Variants in FBXL2 observed in about 807,000 individuals in gnomAD.
FBXL2 encodes F-box and leucine rich repeat protein 2, also known as F-box/LRR-repeat protein 2.
FBXL2 carries 38 observed loss-of-function variants against 69.2 expected under a neutral mutation model. That is an observed-to-expected ratio of 0.55 (90% CI 0.42 to 0.72). The LOEUF (loss-of-function observed/expected upper bound fraction) is 0.72. Among genes scored for constraint, FBXL2 ranks in the 30% least tolerant of loss-of-function variants. The probability of loss-of-function intolerance (pLI) is 0.00; values close to 1 mark genes in which losing one functional copy is unlikely to be tolerated. For synonymous variants in FBXL2, 192 were observed against 201.3 expected, an observed-to-expected ratio of 0.95 and a Z score of 0.39; for missense variants, 354 against 520.3, an observed-to-expected ratio of 0.68 and a Z score of 3.11.
At chr3:33,322,133 A>G (rs113442318) in intron 2 of FBXL2, among the ~76,000 whole-genome samples, 3,700 of 124,164 alleles carry the variant, frequency 0.03, 69 homozygotes, top group Middle Eastern at 0.089. Context: ...ACTGGAGTGC[A>G]GTGGCGCCAT....
At chr3:33,352,853 C>T (rs541817401) in intron 2 of FBXL2, among the ~76,000 whole-genome samples, 4 of 152,076 alleles carry the variant, frequency 2.6e-5, no homozygotes, top group Non-Finnish European at 5.9e-5. Flanking sequence ...TGAGATCACA[C>T]CACTGCACTC....
chr3:33,341,084 G>A (rs2039983879), intron 2 of FBXL2, among the ~76,000 whole-genome samples: 1 of 152,088 alleles, frequency 6.6e-6, no homozygotes, highest in Non-Finnish European at 1.5e-5. Flanking sequence ...TCTAGTCACT[G>A]AGCTTTCAAT....
intron 2 of FBXL2, among the ~76,000 whole-genome samples, chr3:33,356,540 G>A (rs577607244): frequency 6.6e-6 from 1 of 152,144 alleles, no homozygotes; most frequent in Admixed American, 6.5e-5. Flanking sequence ...AGTAGAGATG[G>A]GGTTTCACTG....
chr3:33,345,432 AG>A (rs2040362238), intron 2 of FBXL2, among the ~76,000 whole-genome samples: 1 of 152,234 alleles, frequency 6.6e-6, no homozygotes, highest in African/African-American at 2.4e-5. Context: ...TTATGAGACT[AG>A]GATAATTCTG....
intron 1 of FBXL2, among the ~76,000 whole-genome samples, chr3:33,281,372 A>C (rs1372447905): frequency 2.0e-5 from 3 of 152,076 alleles, no homozygotes; most frequent in Non-Finnish European, 4.4e-5. Context: ...AAGGACATGA[A>C]CTCATCCTTT....
At chr3:33,295,918 G>C (rs2035702511) in intron 1 of FBXL2, among the ~76,000 whole-genome samples, 1 of 152,246 alleles carries the variant, frequency 6.6e-6, no homozygotes, top group South Asian at 2.1e-4. Flanking sequence ...GTAAAATTGG[G>C]TTGTCTTTTA....
At chr3:33,401,873 A>C (rs542462093) in intron 12 of FBXL2, among the ~76,000 whole-genome samples, 9 of 152,176 alleles carry the variant, frequency 5.9e-5, no homozygotes, top group South Asian at 2.1e-4. Context: ...AAACTATTCT[A>C]AGCCCTCAGA....
intron 13 of FBXL2, among the ~76,000 whole-genome samples, chr3:33,381,205 C>T (rs748520875): frequency 2.0e-5 from 3 of 152,152 alleles, no homozygotes; most frequent in South Asian, 2.1e-4. Flanking sequence ...TCTCCTCAGT[C>T]TCATATGTTA....
intron 2 of FBXL2, among the ~76,000 whole-genome samples, chr3:33,328,505 G>A (rs2038887972): frequency 1.3e-5 from 2 of 152,072 alleles, no homozygotes; most frequent in South Asian, 4.2e-4. Flanking sequence ...CAAACACATA[G>A]AGCGGTGGAA....
At chr3:33,359,110 T>G in intron 3 of FBXL2, 89 bp downstream of exon 3, 1 of 962,544 alleles carries the variant, frequency 1.0e-6, no homozygotes, top group Non-Finnish European at 1.5e-6. Context: ...TAAAATTTTA[T>G]TATCTTTTAT....
intron 2 of FBXL2, among the ~76,000 whole-genome samples, chr3:33,328,861 A>T (rs1364254461): frequency 1.3e-5 from 2 of 151,836 alleles, no homozygotes; most frequent in East Asian, 3.9e-4. Flanking sequence ...CAGGCAACCA[A>T]AGCAAAAATA....
chr3:33,416,935 T>A, the FBXL2 span: 2 of 994,642 alleles, frequency 2.0e-6, no homozygotes, highest in Non-Finnish European at 3.0e-6. Context: ...CATTACACAA[T>A]GATAGTTTGT....
At chr3:33,316,839 A>G (rs1400722591) in intron 2 of FBXL2, among the ~76,000 whole-genome samples, 1 of 152,018 alleles carries the variant, frequency 6.6e-6, no homozygotes, top group Non-Finnish European at 1.5e-5. Context: ...TGAGTTGGGC[A>G]AACATTTTCA....
chr3:33,353,480 C>A (rs1338225799), intron 2 of FBXL2, among the ~76,000 whole-genome samples: 1 of 152,160 alleles, frequency 6.6e-6, no homozygotes, highest in East Asian at 1.9e-4. Flanking sequence ...CATGAATAGA[C>A]TTGGAGGAGC....
At chr3:33,412,413 C>T in the FBXL2 span, among the ~76,000 whole-genome samples, 1 of 151,406 alleles carries the variant, frequency 6.6e-6, no homozygotes, top group Non-Finnish European at 1.5e-5. Context: ...ATATAGAAAA[C>T]AACTCTCAAG....
intron 12 of FBXL2, chr3:33,397,039 T>C: frequency 6.3e-7 from 1 of 1,587,940 alleles, no homozygotes. Flanking sequence ...GTTCACAGTA[T>C]TTTACCTTGA....
the FBXL2 span, among the ~76,000 whole-genome samples, chr3:33,419,616 G>C: frequency 7.1e-6 from 1 of 141,744 alleles, no homozygotes; most frequent in Non-Finnish European, 1.5e-5. Context: ...CAACAAGAGG[G>C]AGACTCCATC....
At chr3:33,390,098 C>T (rs924206284), downstream of FBXL2, 45 of 497,920 alleles carry the variant, frequency 9.0e-5, no homozygotes, top group Non-Finnish European at 1.6e-4. Context: ...CCGTGGCCTC[C>T]AGAGCTGGAT....
intron 2 of FBXL2, among the ~76,000 whole-genome samples, chr3:33,351,475 A>G (rs372289137): frequency 1.3e-5 from 2 of 152,200 alleles, no homozygotes; most frequent in Non-Finnish European, 1.5e-5. Flanking sequence ...TGTAAGATCT[A>G]TATGAGGAAA....
Sources: gnomAD v4.1 joint callset for allele counts (sites outside exome capture counted in the v4.1 genomes callset) on GRCh38, gnomAD v4.1.1 for gene constraint, MANE v1.5 for transcripts, NCBI Gene and HGNC (gene_info 2026-07-23, HGNC 2026-07-21) for gene names.